PXDNL: variants seen among roughly 807,000 people sequenced by gnomAD.
PXDNL encodes probable oxidoreductase PXDNL.
Under a neutral mutation model 150.8 loss-of-function variants are expected in PXDNL, and 145 were observed. The ratio of observed to expected loss-of-function variants is 0.96; its 90% CI spans 0.84 to 1.10. PXDNL has a LOEUF of 1.10. PXDNL is among the 50% of genes least tolerant of loss of function. The pLI, the probability that PXDNL is intolerant of heterozygous loss-of-function variation, is 0.00. For missense variants in PXDNL, 2,087 were observed against 1,873.9 expected (o/e 1.11, Z -2.10); for synonymous variants, 757 against 725.7 (o/e 1.04, Z -0.69).
At chr8:51,743,636 C>T (rs980425598) in intron 1 of PXDNL, among the ~76,000 whole-genome samples, 4 of 152,192 alleles carry the variant, frequency 2.6e-5, no homozygotes, top group African/African-American at 9.6e-5. Context: ...CCTGCCTCAG[C>T]CTCCCAAAGT....
At chr8:51,596,397 T>C (rs1813564412) in intron 2 of PXDNL, among the ~76,000 whole-genome samples, 1 of 152,160 alleles carries the variant, frequency 6.6e-6, no homozygotes, top group Admixed American at 6.5e-5. Flanking sequence ...CGATATGTTT[T>C]CTTTTGGATA....
At chr8:51,417,932 C>G (rs1414930964) in intron 14 of PXDNL, among the ~76,000 whole-genome samples, 2 of 152,200 alleles carry the variant, frequency 1.3e-5, no homozygotes, top group Non-Finnish European at 2.9e-5. Flanking sequence ...GCACCATCTA[C>G]TTTGTTTAAG....
chr8:51,748,166 A>G (rs1047603204), intron 1 of PXDNL, among the ~76,000 whole-genome samples: 1 of 152,242 alleles, frequency 6.6e-6, no homozygotes, highest in African/African-American at 2.4e-5. Flanking sequence ...CCGCTAAGCT[A>G]CTAAGTGACA....
At position 51,714,288 on chromosome 8, in the gene PXDNL, C is replaced by T. The variant is rs970282241; in HGVS notation, c.165-59528G>A. On this transcript the variant is annotated intron_variant, in intron 1 of 22. Coordinates refer to ENST00000356297, the MANE Select transcript of PXDNL (RefSeq NM_144651.5). ...ATGACTTATCATTGGCTAGATTGCACTTTAATGAATTCAAGACATCATTTC... is the reference window on the plus strand; with the variant it reads ...ATGACTTATCATTGGCTAGATTGCATTTTAATGAATTCAAGACATCATTTC... Among the ~76,000 whole-genome samples the T allele has an allele frequency of 4.6e-5, 7 of 152,294 alleles. No individual in the cohort carries two copies. In the South Asian group the frequency reaches 1.0e-3, roughly 23 times the overall value.
At chr8:51,420,092 T>C (rs1808907981) in intron 14 of PXDNL, among the ~76,000 whole-genome samples, 1 of 152,212 alleles carries the variant, frequency 6.6e-6, no homozygotes, top group South Asian at 2.1e-4. Flanking sequence ...GTTGTGTACT[T>C]TTCATTATTG....
Position 51,744,234 on chromosome 8 carries a change from GAAAGA to G in PXDNL, c.164+64942_164+64946del, listed in dbSNP as rs146794407. Among the ~76,000 whole-genome samples, 1,065 of 132,362 alleles carry G rather than the reference GAAAGA, an allele frequency of 8.0e-3. 3 individuals are homozygous for G. Among genetic ancestry groups the G allele is most frequent in the South Asian group, 0.012 (49 of 4,076 alleles). 86.8% of individuals were successfully genotyped at this position (132,362 alleles called of 152,430 possible). On this transcript the variant is annotated intron_variant, in intron 1 of 22. Coordinates refer to ENST00000356297, the MANE Select transcript of PXDNL (RefSeq NM_144651.5). Reference sequence around the variant, plus strand: ...AAAGGAAGGAAGGGAAGAAGAGAAAGAAAGAAAAGAGAGGAAAAGAAAGAAAAGAG... The same window carrying G: ...AAAGGAAGGAAGGGAAGAAGAGAAAGAAAGAGAGGAAAAGAAAGAAAAGAG...
At chr8:51,617,058 G>A (rs1388561631) in intron 2 of PXDNL, among the ~76,000 whole-genome samples, 1 of 152,176 alleles carries the variant, frequency 6.6e-6, no homozygotes, top group Non-Finnish European at 1.5e-5. Flanking sequence ...ATATCTAAAA[G>A]AGGAAAAGGG....
chr8:51,638,495 A>G (rs370355246), intron 2 of PXDNL, among the ~76,000 whole-genome samples: 2 of 151,538 alleles, frequency 1.3e-5, no homozygotes, highest in African/African-American at 4.8e-5. Flanking sequence ...AAAATAAAGG[A>G]ATGGAGGAAG....
rs146012177 is a variant in PXDNL at position 51,686,044 on chromosome 8, G to A, written c.165-31284C>T. Among the ~76,000 whole-genome samples the A allele has an allele frequency of 2.6e-3, 391 of 152,304 alleles. 1 individual carries two copies. The highest frequency in any genetic ancestry group is 9.1e-3 in the African/African-American group (378 of 41,568). ...AAATACTCTTGCCACACTCTGAGAT[G>A]GAATGCTTAAAGATTAACATCCTCT... On this transcript the variant is annotated intron_variant, in intron 1 of 22. Coordinates refer to ENST00000356297, the MANE Select transcript of PXDNL (RefSeq NM_144651.5).
In PXDNL at chr8:51,409,225, G is replaced by C. The variant is rs767221514; in HGVS notation, c.2399C>G (p.Thr800Arg). Residue 800 changes from threonine (T) to arginine (R), a missense_variant, in exon 17 of 23, where the codon ACG (threonine) becomes AGG (arginine). By Grantham distance (71) the Thr-to-Arg change is moderately conservative (BLOSUM62 -1). Coordinates refer to ENST00000356297, the MANE Select transcript of PXDNL (RefSeq NM_144651.5). ...CCAGCCCCAGTGCATGAGCATGCGCGTGTAGCTGTGGTCGGGGGTGACGGC... is the reference window on the plus strand; with the variant it reads ...CCAGCCCCAGTGCATGAGCATGCGCCTGTAGCTGTGGTCGGGGGTGACGGC... ...AAAVTPDHSYTRMLMHWGWFL... is the reference protein window; with the variant it reads ...AAAVTPDHSYRRMLMHWGWFL... The C allele has an allele frequency of 3.9e-6, 6 of 1,555,202 alleles. No homozygotes were observed. Among genetic ancestry groups the C allele is most frequent in the Non-Finnish European group, 5.2e-6 (6 of 1,155,318 alleles).
At chr8:51,443,913 G>A (rs1459465105) in intron 12 of PXDNL, among the ~76,000 whole-genome samples, 1 of 151,856 alleles carries the variant, frequency 6.6e-6, no homozygotes, top group African/African-American at 2.4e-5. Context: ...TAAGTTTTAG[G>A]GTATATGTGC....
intron 1 of PXDNL, among the ~76,000 whole-genome samples, chr8:51,779,292 AG>A (rs2037387228): frequency 6.6e-6 from 1 of 152,192 alleles, no homozygotes; most frequent in South Asian, 2.1e-4. Context: ...GTGCAAGGGA[AG>A]GCCACACATA....
chr8:51,339,784 G>GA, intron 20 of PXDNL, 31 bp from the exon 21 acceptor site: 1 of 1,579,392 alleles, frequency 6.3e-7, no homozygotes, highest in Non-Finnish European at 8.6e-7. Context: ...ATAAAATGCT[G>GA]AAAAATAAAA....
chr8:51,605,801 A>T (rs1425931054), intron 2 of PXDNL, among the ~76,000 whole-genome samples: 1 of 152,162 alleles, frequency 6.6e-6, no homozygotes, highest in Non-Finnish European at 1.5e-5. Context: ...TGGGTTTGTT[A>T]TCTCCCTCAT....
At chr8:51,772,151 CTT>C (rs2037302931) in intron 1 of PXDNL, among the ~76,000 whole-genome samples, 1 of 151,986 alleles carries the variant, frequency 6.6e-6, no homozygotes. Context: ...TTCCCACTCT[CTT>C]TGATGAACCA....
intron 8 of PXDNL, among the ~76,000 whole-genome samples, chr8:51,470,840 T>C (rs1386352163): frequency 6.6e-6 from 1 of 152,064 alleles, no homozygotes; most frequent in Non-Finnish European, 1.5e-5. Flanking sequence ...TAACTCGAGA[T>C]GGATTGAAGA....
intron 8 of PXDNL, among the ~76,000 whole-genome samples, chr8:51,469,395 C>T (rs1006265290): frequency 6.6e-6 from 1 of 151,968 alleles, no homozygotes; most frequent in African/African-American, 2.4e-5. Context: ...TCTATCATTA[C>T]CTTTTCAAAT....
chr8:51,590,282 T>C (rs995853200), intron 3 of PXDNL, among the ~76,000 whole-genome samples: 4 of 151,868 alleles, frequency 2.6e-5, no homozygotes, highest in African/African-American at 9.7e-5. Flanking sequence ...CCAAATAAAC[T>C]GAGAACCCAA....
At chr8:51,780,421 A>G (rs1488282471) in intron 1 of PXDNL, among the ~76,000 whole-genome samples, 1 of 152,158 alleles carries the variant, frequency 6.6e-6, no homozygotes, top group Non-Finnish European at 1.5e-5. Context: ...ATGGGTTTCC[A>G]AGAACCCCAG....
Sources: allele counts gnomAD v4.1 joint callset (sites outside exome capture counted in the v4.1 genomes callset), GRCh38; gene constraint gnomAD v4.1.1; transcripts MANE v1.5; gene names NCBI Gene and HGNC (gene_info 2026-07-23, HGNC 2026-07-21).